The following INSC variants were observed in gnomAD, a reference collection of about 807,000 sequenced individuals.
The protein encoded by INSC is protein inscuteable homolog.
INSC carries 67 observed loss-of-function variants against 58.6 expected under a neutral mutation model. That is an observed-to-expected ratio of 1.14 (90% CI 0.94 to 1.40). INSC has a LOEUF of 1.40. INSC is among the 40% of genes most tolerant of loss of function. The pLI is 0.00. For missense variants in INSC, 714 were observed against 692.0 expected (o/e 1.03, Z -0.36); for synonymous variants, 262 against 276.1 (o/e 0.95, Z 0.51).
At chr11:15,127,243 A>G (rs1848018061) in intron 1 of INSC, among the ~76,000 whole-genome samples, 1 of 152,168 alleles carries the variant, frequency 6.6e-6, no homozygotes, top group Non-Finnish European at 1.5e-5. Flanking sequence ...GACTTCACCA[A>G]ACTCACATAT....
At chr11:15,155,973 A>G (rs926608523) in intron 2 of INSC, among the ~76,000 whole-genome samples, 1 of 152,170 alleles carries the variant, frequency 6.6e-6, no homozygotes, top group African/African-American at 2.4e-5. Context: ...GACCTTCTCC[A>G]AGTGGTAGGC....
chr11:15,114,628 G>A (rs950955901), upstream of INSC, among the ~76,000 whole-genome samples: 3 of 152,312 alleles, frequency 2.0e-5, no homozygotes, highest in African/African-American at 7.2e-5. Context: ...CCTGCCGCCT[G>A]GCCCGGGGGA....
intron 6 of INSC, among the ~76,000 whole-genome samples, chr11:15,196,093 AG>A: frequency 6.6e-6 from 1 of 152,210 alleles, no homozygotes; most frequent in Non-Finnish European, 1.5e-5. Flanking sequence ...TGGGCTCTCA[AG>A]AGCCATGACC....
intron 6 of INSC, among the ~76,000 whole-genome samples, chr11:15,194,977 A>ATATAT (rs1850316720): frequency 6.6e-6 from 1 of 152,208 alleles, no homozygotes; most frequent in Admixed American, 6.5e-5. Flanking sequence ...TGGGATGAAT[A>ATATAT]TTTTAGCTTT....
At chr11:15,113,108 TTTCTCTCTCTC>T (rs375957486), upstream of INSC, among the ~76,000 whole-genome samples, 1 of 122,294 alleles carries the variant, frequency 8.2e-6, no homozygotes, top group Non-Finnish European at 1.8e-5. Flanking sequence ...CTTTCTTTCT[TTTCTCTCTCTC>T]TCTTTCTTTC....
chr11:15,207,975 A>G (rs1297357091), intron 7 of INSC, among the ~76,000 whole-genome samples: 1 of 152,082 alleles, frequency 6.6e-6, no homozygotes, highest in African/African-American at 2.4e-5. Context: ...TCCTAATCCT[A>G]AGTGTGCCCC....
intron 1 of INSC, among the ~76,000 whole-genome samples, chr11:15,131,835 G>A (rs1341508455): frequency 5.3e-5 from 8 of 151,736 alleles, no homozygotes; most frequent in Non-Finnish European, 8.8e-5. Context: ...AGGTCTTTTT[G>A]TTTTAGGGAT....
chr11:15,231,196 T>G (rs1851910929), intron 9 of INSC, among the ~76,000 whole-genome samples: 1 of 152,236 alleles, frequency 6.6e-6, no homozygotes, highest in East Asian at 1.9e-4. Context: ...GATCCCTTAA[T>G]TCTACAGATC....
At chr11:15,182,478 A>G (rs1849815192) in intron 5 of INSC, among the ~76,000 whole-genome samples, 1 of 152,186 alleles carries the variant, frequency 6.6e-6, no homozygotes, top group Non-Finnish European at 1.5e-5. Context: ...GGGGAAAAAA[A>G]TGCCTCCTTT....
At chr11:15,127,888 G>T (rs1848035408) in intron 1 of INSC, among the ~76,000 whole-genome samples, 1 of 152,240 alleles carries the variant, frequency 6.6e-6, no homozygotes, top group Middle Eastern at 3.4e-3. Context: ...CCAGCTACTG[G>T]GGAGGCTGAG....
At chr11:15,175,670 T>C in intron 2 of INSC, 71 bp from the exon 3 acceptor site, 1 of 1,177,134 alleles carries the variant, frequency 8.5e-7, no homozygotes, top group Non-Finnish European at 1.2e-6. Context: ...AAATATCAGA[T>C]GGCCTAGAAT....
In INSC at chr11:15,116,805, T is replaced by TTTTCTTTCTTTCTTTCTTTCTTTCTTTC. The variant is rs1283336885; in HGVS notation, c.-46+1820_-46+1847dup. Among the ~76,000 whole-genome samples the TTTTCTTTCTTTCTTTCTTTCTTTCTTTC allele has an allele frequency of 4.5e-4, 9 of 19,980 alleles. 1 individual carries two copies. Among genetic ancestry groups the TTTTCTTTCTTTCTTTCTTTCTTTCTTTC allele is most frequent in the Admixed American group, 1.4e-3 (2 of 1,388 alleles). 13.1% of individuals were successfully genotyped at this position (19,980 alleles called of 152,430 possible). A position where few individuals can be genotyped will look rare whatever the true frequency, so the allele number is the denominator to read the frequency against. On this transcript the variant is annotated intron_variant, in intron 1 of 12. Coordinates refer to ENST00000379556, the MANE Select transcript of INSC (RefSeq NM_001042536.3). ...TCCTTCCTTTCTTTTCTTTTCTTTCTTTTCTTTCTTTCTTTCTTTCTTTCT... is the reference window on the plus strand; with the variant it reads ...TCCTTCCTTTCTTTTCTTTTCTTTCTTTTCTTTCTTTCTTTCTTTCTTTCTTTCTTTCTTTCTTTCTTTCTTTCTTTCT...
intron 5 of INSC, among the ~76,000 whole-genome samples, chr11:15,187,142 C>G (rs1174847338): frequency 6.6e-6 from 1 of 152,160 alleles, no homozygotes; most frequent in African/African-American, 2.4e-5. Flanking sequence ...TCACAGTTAT[C>G]AAACTTCTGA....
chr11:15,227,500 G>C (rs936118818), intron 9 of INSC, among the ~76,000 whole-genome samples: 1 of 152,232 alleles, frequency 6.6e-6, no homozygotes, highest in African/African-American at 2.4e-5. Context: ...AGCATGAGTA[G>C]TGAATTATCC....
intron 7 of INSC, among the ~76,000 whole-genome samples, chr11:15,203,869 A>G (rs576718321): frequency 9.2e-5 from 14 of 152,220 alleles, no homozygotes; most frequent in African/African-American, 3.1e-4. Context: ...CAGAAGAAGA[A>G]TAAAATTCTG....
intron 9 of INSC, among the ~76,000 whole-genome samples, chr11:15,228,146 A>G (rs1851711962): frequency 6.6e-6 from 1 of 152,240 alleles, no homozygotes; most frequent in Admixed American, 6.5e-5. Flanking sequence ...AGCCACTGTC[A>G]ATGTTATTAC....
chr11:15,169,996 A>G (rs1849339958), intron 2 of INSC, among the ~76,000 whole-genome samples: 2 of 152,218 alleles, frequency 1.3e-5, no homozygotes, highest in Non-Finnish European at 2.9e-5. Context: ...AAAATGTGTG[A>G]ATCCTCCAGT....
chr11:15,230,899 C>A (rs1036481845), intron 9 of INSC, among the ~76,000 whole-genome samples: 1 of 152,102 alleles, frequency 6.6e-6, no homozygotes, highest in African/African-American at 2.4e-5. Context: ...AGTCTTGCCA[C>A]TTTAGTAGTA....
chr11:15,214,411 C>G (rs775473037), intron 7 of INSC, among the ~76,000 whole-genome samples: 1 of 152,196 alleles, frequency 6.6e-6, no homozygotes, highest in Non-Finnish European at 1.5e-5. Flanking sequence ...AACTCTACCT[C>G]CTTTTCCTTA....
Sources: gnomAD v4.1 joint callset for allele counts (sites outside exome capture counted in the v4.1 genomes callset) on GRCh38, gnomAD v4.1.1 for gene constraint, MANE v1.5 for transcripts, NCBI Gene and HGNC (gene_info 2026-07-23, HGNC 2026-07-21) for gene names.